The following YLPM1 variants were observed in gnomAD, a reference collection of about 807,000 sequenced individuals.
YLPM1 encodes the protein YLP motif-containing protein 1.
In YLPM1, 99 loss-of-function variants were observed where a neutral mutation model predicts 230.0. That is an observed-to-expected ratio of 0.43 (90% CI 0.37 to 0.51). The LOEUF is 0.51. Ranked by LOEUF, YLPM1 falls within the 20% of genes least tolerant of loss-of-function variation. The probability of loss-of-function intolerance (pLI) is 0.00; values close to 1 mark genes in which losing one functional copy is unlikely to be tolerated. For synonymous variants in YLPM1, 984 were observed against 942.5 expected (o/e 1.04, Z -0.81); for missense variants, 2,592 against 2,707.7 (o/e 0.96, Z 0.95).
intron 6 of YLPM1, among the ~76,000 whole-genome samples, chr14:74,804,021 G>A (rs192876604): frequency 7.2e-4 from 110 of 152,248 alleles, no homozygotes; most frequent in African/African-American, 2.5e-3. Flanking sequence ...GCCGGGCGTG[G>A]TGGCGCATGC....
At position 74,764,462 on chromosome 14, in the gene YLPM1, A is replaced by G; in HGVS notation, c.873+100A>G. 2 of 1,364,294 alleles carry G rather than the reference A, an allele frequency of 1.5e-6. 1 individual carries two copies. The highest frequency in any genetic ancestry group is 4.1e-4 in the Middle Eastern group (2 of 4,842). 84.5% of individuals were successfully genotyped at this position (1,364,294 alleles called of 1,614,324 possible). On this transcript the variant is annotated intron_variant, in intron 1 of 20. Transcript: ENST00000325680. ...GTGGTTAGTCTAATTCCAACACACAATGACTAGCTAACACTCCAAAGGATT... is the reference window on the plus strand; with the variant it reads ...GTGGTTAGTCTAATTCCAACACACAGTGACTAGCTAACACTCCAAAGGATT...
intron 1 of YLPM1, among the ~76,000 whole-genome samples, chr14:74,776,971 A>G (rs181549930): frequency 2.0e-5 from 3 of 152,230 alleles, no homozygotes; most frequent in Non-Finnish European, 4.4e-5. Flanking sequence ...CGGGAGGATC[A>G]TTTGAGCACA....
rs34023289 is a variant in YLPM1, at chr14:74,769,259, C to CTTTTTTTTTTTT, written c.873+4915_873+4926dup. 3.6e-4 allele frequency among the ~76,000 whole-genome samples: 14 copies of CTTTTTTTTTTTT among 38,410 alleles called. 1 individual carries two copies. Among genetic ancestry groups the CTTTTTTTTTTTT allele is most frequent in the African/African-American group, 5.9e-4 (8 of 13,602 alleles). 25.2% of individuals were successfully genotyped at this position (38,410 alleles called of 152,430 possible). Reference sequence around the variant, plus strand: ...CCGGCTAATTTTTTTGTATTTTTATCTTTTTTTTTTTTTTTTTTTTTTTTT... The same window carrying CTTTTTTTTTTTT: ...CCGGCTAATTTTTTTGTATTTTTATCTTTTTTTTTTTTTTTTTTTTTTTTTTTTTTTTTTTTT... On this transcript the variant is annotated intron_variant, in intron 1 of 20. Coordinates refer to ENST00000325680, the MANE Select transcript of YLPM1 (RefSeq NM_019589.3).
intron 6 of YLPM1, 88 bp downstream of exon 6, chr14:74,802,764 T>A: frequency 7.0e-7 from 1 of 1,424,742 alleles, no homozygotes; most frequent in Non-Finnish European, 9.3e-7. Context: ...GTTGAATAAA[T>A]AACAAATTTC....
intron 6 of YLPM1, among the ~76,000 whole-genome samples, chr14:74,806,301 G>A (rs373801904): frequency 6.6e-6 from 1 of 151,778 alleles, no homozygotes; most frequent in Non-Finnish European, 1.5e-5. Flanking sequence ...AGGTTGCAGT[G>A]AGCCAAGATT....
At chr14:74,792,791 C>T (rs1157929022) in intron 4 of YLPM1, among the ~76,000 whole-genome samples, 7 of 152,166 alleles carry the variant, frequency 4.6e-5, no homozygotes, top group East Asian at 1.9e-4. Context: ...GCTGACCCTC[C>T]GGAATGTGAT....
intron 1 of YLPM1, among the ~76,000 whole-genome samples, chr14:74,769,196 T>C (rs1767392124): frequency 6.8e-6 from 1 of 146,182 alleles, no homozygotes; most frequent in African/African-American, 2.5e-5. Flanking sequence ...TGCCTCAGCC[T>C]CCCTAGTAAC....
intron 6 of YLPM1, among the ~76,000 whole-genome samples, chr14:74,807,384 C>A (rs951581848): frequency 2.0e-5 from 3 of 152,080 alleles, no homozygotes; most frequent in Non-Finnish European, 2.9e-5. Context: ...ATCACACTTA[C>A]AAAGATTAAA....
intron 1 of YLPM1, among the ~76,000 whole-genome samples, chr14:74,771,353 A>G (rs146501936): frequency 7.2e-5 from 11 of 152,336 alleles, no homozygotes; most frequent in Admixed American, 2.0e-4. Context: ...GTGTAGAGTA[A>G]GAACTGAGGT....
At chr14:74,789,894 T>G (rs1186175271) in intron 4 of YLPM1, among the ~76,000 whole-genome samples, 5 of 151,902 alleles carry the variant, frequency 3.3e-5, no homozygotes, top group Non-Finnish European at 7.4e-5. Flanking sequence ...AAAGTGTTGG[T>G]ATTACAGACA....
rs2090871905 is a variant in YLPM1, at chr14:74,763,598, T to G, written c.109T>G (p.Ser37Ala). The stretch of plus-strand genomic sequence containing the variant: ...TGAGGCCTCGCCGGGGCCCGGGTAC[T>G]CGAGCTCGACGACTCCCGCGGCCCC... ...LPEASPGPGYSSSTTPAAPSS... is the reference protein window; with the variant it reads ...LPEASPGPGYASSTTPAAPSS... Residue 37 changes from serine to alanine, a missense_variant, in exon 1 of 21, where the codon TCG becomes GCG. By Grantham distance (99) the Ser-to-Ala change is moderately conservative. Coordinates refer to ENST00000325680, the MANE Select transcript of YLPM1 (RefSeq NM_019589.3). The G allele has an allele frequency of 6.3e-7, 1 of 1,589,322 alleles. No homozygotes were observed. The highest frequency in any genetic ancestry group is 1.4e-5 in the African/African-American group (1 of 72,682).
chr14:74,824,581 A>T (rs527731114), intron 18 of YLPM1, among the ~76,000 whole-genome samples: 2 of 152,120 alleles, frequency 1.3e-5, no homozygotes, highest in Admixed American at 6.6e-5. Flanking sequence ...TATAAAATCT[A>T]TTCTTTTATA....
rs1327807896 is a variant in YLPM1 at position 74,782,297 on chromosome 14, AG to A, written c.2255del (p.Ser752IlefsTer20). ...GGLLPDPPRS[S>X]YLESPRGPRF... is the part of the protein sequence containing the mutation. ...CCTGCTTCCAGATCCTCCTAGAAGTAGTTACTTGGAAAGTCCAAGAGGCCCA... is the reference window on the plus strand; with the variant it reads ...CCTGCTTCCAGATCCTCCTAGAAGTATTACTTGGAAAGTCCAAGAGGCCCA... On this transcript the variant is annotated frameshift_variant, in exon 4 of 21. Transcript: ENST00000325680. LOFTEE classifies it high-confidence loss of function. The A allele has an allele frequency of 6.5e-7, 1 of 1,533,824 alleles. No individual in the cohort carries two copies. The highest frequency in any genetic ancestry group is 8.7e-7 in the Non-Finnish European group (1 of 1,152,174).
Position 74,781,737 on chromosome 14 carries a change from T to C in YLPM1, c.1694T>C (p.Met565Thr), listed in dbSNP as rs201997211. The C allele has an allele frequency of 9.2e-5, 148 of 1,609,204 alleles. No individual in the cohort carries two copies. The African/African-American group carries it at 1.7e-3, about 19-fold the overall frequency. Residue 565 changes from methionine (M) to threonine (T), a missense_variant, in exon 4 of 21, where the codon ATG becomes ACG. Around this residue, in one of 4 missense-constraint regions of YLPM1, gnomAD observed 1,862 missense variants for 1,819.8 expected, o/e 1.02. Coordinates refer to ENST00000325680, the MANE Select transcript of YLPM1 (RefSeq NM_019589.3). ...VPPPGMPPPV[M>T]PPSLPTSVPP... is the part of the protein sequence containing the mutation. ...CCACCTGGCATGCCCCCACCTGTTA[T>C]GCCACCTTCTCTACCAACCTCTGTT...
At chr14:74,815,455 G>A (rs1334382213) in intron 11 of YLPM1, among the ~76,000 whole-genome samples, 1 of 151,916 alleles carries the variant, frequency 6.6e-6, no homozygotes, top group African/African-American at 2.4e-5. Context: ...CCAGCTGCTT[G>A]GGAGGCTGAG....
At chr14:74,782,876 A>G (rs1158925483) in intron 4 of YLPM1, among the ~76,000 whole-genome samples, 1 of 152,172 alleles carries the variant, frequency 6.6e-6, no homozygotes, top group Admixed American at 6.5e-5. Context: ...TGGAGCTTAC[A>G]TCCTTTATAT....
chr14:74,775,931 TC>T (rs2091032272), intron 1 of YLPM1, among the ~76,000 whole-genome samples: 1 of 152,228 alleles, frequency 6.6e-6, no homozygotes, highest in Admixed American at 6.5e-5. Context: ...AGTAATAAGT[TC>T]CAATGTTCTC....
chr14:74,764,049 C>T lies in YLPM1; in HGVS notation c.560C>T (p.Ala187Val). The T allele has an allele frequency of 6.2e-7, 1 of 1,612,664 alleles. No homozygotes were observed. Among genetic ancestry groups the T allele is most frequent in the Non-Finnish European group, 8.5e-7 (1 of 1,179,548 alleles). Residue 187 changes from alanine to valine, a missense_variant, in exon 1 of 21, where the codon GCT becomes GTT. Ala to Val is a moderately conservative substitution (Grantham distance 64). Coordinates refer to ENST00000325680, the MANE Select transcript of YLPM1 (RefSeq NM_019589.3). ...TCATCTCAGCCCTACCTGCCTCCTGCTCAGCCGTCCCCTTCGCAGTCCCCA... is the reference window on the plus strand; with the variant it reads ...TCATCTCAGCCCTACCTGCCTCCTGTTCAGCCGTCCCCTTCGCAGTCCCCA... ...PTSSQPYLPP[A>V]QPSPSQSPPS...
chr14:74,788,973 T>C (rs2091176688), intron 4 of YLPM1, among the ~76,000 whole-genome samples: 3 of 152,218 alleles, frequency 2.0e-5, no homozygotes, highest in Non-Finnish European at 2.9e-5. Flanking sequence ...TAGGGGTCAA[T>C]GTTTATTTTT....
Sources: gnomAD v4.1 joint callset for allele counts (sites outside exome capture counted in the v4.1 genomes callset) on GRCh38, gnomAD v4.1.1 for gene constraint, gnomAD v4.1.1 regional missense constraint, MANE v1.5 for transcripts, NCBI Gene and HGNC (gene_info 2026-07-23, HGNC 2026-07-21) for gene names.